The following CFAP44 variants were observed in gnomAD, a reference collection of about 807,000 sequenced individuals.
The protein encoded by CFAP44 is cilia- and flagella-associated protein 44.
CFAP44 carries 134 observed loss-of-function variants against 216.2 expected under a neutral mutation model. The observed-to-expected ratio is 0.62, with a 90% CI of 0.54 to 0.72. CFAP44 has a LOEUF of 0.72. CFAP44 is among the 30% of genes least tolerant of loss of function. CFAP44 has a pLI of 0.00. For synonymous variants in CFAP44, 700 were observed against 727.6 expected (o/e 0.96, Z 0.61); for missense variants, 2,035 against 2,182.1 (o/e 0.93, Z 1.34).
chr3:113,407,191 A>G (rs1934310390), intron 7 of CFAP44, 150 bp from the exon 8 acceptor site: 1 of 678,420 alleles, frequency 1.5e-6, no homozygotes, highest in African/African-American at 1.8e-5. Flanking sequence ...AGTATCTACT[A>G]CCTGCCCGGC....
intron 25 of CFAP44, 90 bp from the exon 26 acceptor site, chr3:113,330,758 G>A: frequency 7.1e-7 from 1 of 1,406,342 alleles, no homozygotes; most frequent in Non-Finnish European, 9.3e-7. Context: ...TTGCTGAAAG[G>A]CCTAGAAAAA....
At chr3:113,321,386 C>T (rs189732472) in intron 28 of CFAP44, among the ~76,000 whole-genome samples, 24 of 152,236 alleles carry the variant, frequency 1.6e-4, no homozygotes, top group Admixed American at 4.6e-4. Flanking sequence ...ATAATAAGAG[C>T]GCTATGTCAA....
At chr3:113,388,002 G>T (rs976665235) in intron 15 of CFAP44, among the ~76,000 whole-genome samples, 4 of 152,122 alleles carry the variant, frequency 2.6e-5, no homozygotes, top group Admixed American at 2.0e-4. Context: ...TGCATTTCAT[G>T]GTTGGAGTGC....
intron 22 of CFAP44, among the ~76,000 whole-genome samples, chr3:113,353,843 A>C (rs1433031341): frequency 6.6e-6 from 1 of 152,212 alleles, no homozygotes; most frequent in Non-Finnish European, 1.5e-5. Context: ...GCAGTTAAGC[A>C]CTAATCAGCA....
Position 113,395,742 on chromosome 3 carries a change from T to C in CFAP44, c.1890+8A>G. On this transcript the variant is annotated splice_region_variant and intron_variant, in intron 15 of 34. Transcript: ENST00000393845. ...ATTCAAACAGGAAGACAAATAATAA[T>C]GACTTACATGAGACATGGGAGACCA... is the stretch of plus-strand genomic sequence containing the variant. 1 of 1,582,512 alleles carries C rather than the reference T, an allele frequency of 6.3e-7. No homozygotes were observed. Among genetic ancestry groups the C allele is most frequent in the Non-Finnish European group, 8.6e-7 (1 of 1,162,394 alleles).
intron 14 of CFAP44, 63 bp from the exon 15 acceptor site, chr3:113,395,923 A>C: frequency 8.2e-7 from 1 of 1,217,146 alleles, no homozygotes; most frequent in South Asian, 1.3e-5. Context: ...TATAGATCAC[A>C]AAAAAGCATG....
intron 28 of CFAP44, among the ~76,000 whole-genome samples, chr3:113,325,715 T>C (rs1950183906): frequency 6.6e-6 from 1 of 152,178 alleles, no homozygotes. Flanking sequence ...AAGAAGATTA[T>C]TCTAAAATAC....
At chr3:113,303,455 A>G (rs544465927) in intron 32 of CFAP44, among the ~76,000 whole-genome samples, 1 of 152,330 alleles carries the variant, frequency 6.6e-6, no homozygotes, top group Non-Finnish European at 1.5e-5. Flanking sequence ...GAACCACAAA[A>G]TGATATAAAT....
In CFAP44 at chr3:113,289,448, A is replaced by G. The variant is rs1315178045; in HGVS notation, c.*2109T>C. ...AATCAGAATCTCAGAATGGGAAGGAACCCATTCTACCAATCCTTCATTTGT... is the reference window on the plus strand; with the variant it reads ...AATCAGAATCTCAGAATGGGAAGGAGCCCATTCTACCAATCCTTCATTTGT... On this transcript the variant is annotated 3_prime_UTR_variant, in exon 35 of 35. Coordinates refer to ENST00000393845, the MANE Select transcript of CFAP44 (RefSeq NM_001164496.2). 6.6e-6 allele frequency: 1 copy of G among 152,172 alleles called. No individual in the cohort carries two copies. The highest frequency in any genetic ancestry group is 2.4e-5 in the African/African-American group (1 of 41,444). The allele number at this position is 152,172 out of a possible 1,614,324, so 9.4% of individuals were successfully genotyped here. A position where few individuals can be genotyped will look rare whatever the true frequency, so the allele number is the denominator to read the frequency against.
chr3:113,303,905 T>TA lies in CFAP44; in HGVS notation c.5077+10dup. 6.5e-7 allele frequency: 1 copy of TA among 1,537,520 alleles called. No individual in the cohort carries two copies. ...AACCTTACTAGCAAGGCTGTGGGCT[T>TA]AGATACTCACTGTGTATGGTTTTTG... On this transcript the variant is annotated intron_variant, in intron 32 of 34. Transcript: ENST00000393845.
intron 33 of CFAP44, among the ~76,000 whole-genome samples, 173 bp downstream of exon 33, chr3:113,296,548 TCTAA>T (rs1331021751): frequency 6.6e-6 from 1 of 152,108 alleles, no homozygotes; most frequent in Non-Finnish European, 1.5e-5. Context: ...AACAAGTCCC[TCTAA>T]CTAAGTGAAC....
intron 18 of CFAP44, among the ~76,000 whole-genome samples, chr3:113,370,224 AT>A (rs2107322576): frequency 6.6e-6 from 1 of 151,718 alleles, no homozygotes; most frequent in African/African-American, 2.4e-5. Context: ...TCCCTAACTC[AT>A]TTTATGAGGG....
At position 113,427,186 on chromosome 3, in the gene CFAP44, C is replaced by A. The variant is rs1449640549; in HGVS notation, c.253+1G>T. On this transcript the variant is annotated splice_donor_variant, in intron 3 of 34. Transcript: ENST00000393845. LOFTEE classifies it high-confidence loss of function. ...ACTGACAGAAAACTAATAATACCTA[C>A]CTGTAGTGCTTTGCAAATCACCATA... 1.9e-6 allele frequency: 3 copies of A among 1,611,348 alleles called. No homozygotes were observed. In the Admixed American group the frequency reaches 5.0e-5, roughly 27 times the overall value.
Position 113,403,896 on chromosome 3 carries a change from A to T in CFAP44, c.1126T>A (p.Tyr376Asn). Reference sequence around the variant, plus strand: ...CCAACAGTGATAACTTCACCCTCATACAGCATTATCTGGTTAATGGGACCA... The same window carrying T: ...CCAACAGTGATAACTTCACCCTCATTCAGCATTATCTGGTTAATGGGACCA... ...HNGPINQIML[Y>N]EGEVITVGSD... Residue 376 changes from tyrosine to asparagine, a missense_variant, in exon 9 of 35, where the codon TAT becomes AAT. Around this residue, in one of 3 missense-constraint regions of CFAP44, gnomAD observed 1,883 missense variants for 2,023.7 expected, o/e 0.93. Transcript: ENST00000393845. 1 of 1,614,090 alleles carries T rather than the reference A, an allele frequency of 6.2e-7. No homozygotes were observed. Among genetic ancestry groups the T allele is most frequent in the Non-Finnish European group, 8.5e-7 (1 of 1,179,974 alleles).
In CFAP44 at chr3:113,425,936, G is replaced by A. The variant is rs376705548; in HGVS notation, c.407+188C>T. On this transcript the variant is annotated intron_variant, in intron 4 of 34. Transcript: ENST00000393845. Reference sequence around the variant, plus strand: ...GTCTCTGTCACAACTACTTATCCCTGTCCTTGTTGTGTGATGGCAGCCATA... The same window carrying A: ...GTCTCTGTCACAACTACTTATCCCTATCCTTGTTGTGTGATGGCAGCCATA... The A allele has an allele frequency of 4.9e-5, 31 of 635,980 alleles. No individual in the cohort carries two copies. The East Asian group carries it at 6.8e-4, about 14-fold the overall frequency. 39.4% of individuals were successfully genotyped at this position (635,980 alleles called of 1,614,324 possible). A position where few individuals can be genotyped will look rare whatever the true frequency, so the allele number is the denominator to read the frequency against.
At position 113,305,361 on chromosome 3, in the gene CFAP44, T is replaced by G. The variant is rs3773696; in HGVS notation, c.4759-209A>C. ...ATGATCCACATCACTCTTCAGTCAT[T>G]TCTATGACTCCAGAGTTATAAAGTT... On this transcript the variant is annotated intron_variant, in intron 30 of 34. Coordinates refer to ENST00000393845, the MANE Select transcript of CFAP44 (RefSeq NM_001164496.2). Among the ~76,000 whole-genome samples the G allele has an allele frequency of 6.2e-3, 946 of 152,332 alleles. 59 individuals are homozygous for G. In the East Asian group the frequency reaches 0.14, roughly 23 times the overall value.
At chr3:113,343,987 G>T (rs1318510571) in intron 23 of CFAP44, among the ~76,000 whole-genome samples, 1 of 152,176 alleles carries the variant, frequency 6.6e-6, no homozygotes, top group African/African-American at 2.4e-5. Flanking sequence ...CACCTTGTGG[G>T]CAGCCAGAAG....
At chr3:113,343,659 G>C (rs1950355786) in intron 23 of CFAP44, among the ~76,000 whole-genome samples, 1 of 152,128 alleles carries the variant, frequency 6.6e-6, no homozygotes, top group Non-Finnish European at 1.5e-5. Context: ...GGAAGTGTTA[G>C]ACATAATCAG....
At chr3:113,416,007 G>A (rs184956704) in intron 6 of CFAP44, among the ~76,000 whole-genome samples, 1 of 152,230 alleles carries the variant, frequency 6.6e-6, no homozygotes, top group Non-Finnish European at 1.5e-5. Flanking sequence ...CTCTTAGTAG[G>A]TCTCTAAGAA....
Sources: allele counts gnomAD v4.1 joint callset (sites outside exome capture counted in the v4.1 genomes callset), GRCh38; gene constraint gnomAD v4.1.1; regional missense constraint gnomAD v4.1.1; transcripts MANE v1.5; gene names NCBI Gene and HGNC (gene_info 2026-07-23, HGNC 2026-07-21).